The following DOCK2 variants were observed in gnomAD, a reference collection of about 807,000 sequenced individuals.
DOCK2 encodes the protein dedicator of cytokinesis 2, also known as dedicator of cytokinesis protein 2.
In DOCK2, 87 loss-of-function variants were observed where a neutral mutation model predicts 248.9. The ratio of observed to expected loss-of-function variants is 0.35; its 90% confidence interval spans 0.29 to 0.42. DOCK2 has a LOEUF of 0.42. DOCK2 is among the 10% of genes least tolerant of loss of function. The pLI, the probability that DOCK2 is intolerant of heterozygous loss-of-function variation, is 1.00. For synonymous variants in DOCK2, 805 were observed against 821.6 expected (o/e 0.98, Z 0.35); for missense variants, 1,747 against 2,300.2 (o/e 0.76, Z 4.92).
chr5:169,822,786 G>A (rs953808957), intron 26 of DOCK2, among the ~76,000 whole-genome samples: 2 of 152,126 alleles, frequency 1.3e-5, no homozygotes, highest in Admixed American at 6.6e-5. Context: ...AACTGAAGGA[G>A]ATAGAGACAC....
At chr5:169,690,626 T>C (rs549605568) in intron 9 of DOCK2, among the ~76,000 whole-genome samples, 3 of 152,232 alleles carry the variant, frequency 2.0e-5, no homozygotes, top group Non-Finnish European at 4.4e-5. Flanking sequence ...AGGAGGAGCC[T>C]ATTTATTTTC....
intron 41 of DOCK2, among the ~76,000 whole-genome samples, chr5:170,054,732 C>T (rs946505606): frequency 1.3e-5 from 2 of 152,200 alleles, no homozygotes; most frequent in Non-Finnish European, 1.5e-5. Context: ...CCAGAGTCTC[C>T]ACTTCTAACA....
intron 26 of DOCK2, among the ~76,000 whole-genome samples, chr5:169,804,303 G>T (rs1767174846): frequency 6.6e-6 from 1 of 152,138 alleles, no homozygotes; most frequent in South Asian, 2.1e-4. Flanking sequence ...TGCATAGCTT[G>T]CTTCATTCAT....
chr5:170,018,590 A>C (rs1160178645), intron 32 of DOCK2, among the ~76,000 whole-genome samples: 2 of 152,240 alleles, frequency 1.3e-5, no homozygotes, highest in African/African-American at 4.8e-5. Context: ...GCAACACGGC[A>C]TGTATTTCAG....
At chr5:169,986,455 G>T (rs574801457) in intron 29 of DOCK2, among the ~76,000 whole-genome samples, 83 of 152,194 alleles carry the variant, frequency 5.5e-4, no homozygotes, top group South Asian at 1.2e-3. Context: ...TATAATACCC[G>T]TTAACATCTC....
intron 5 of DOCK2, among the ~76,000 whole-genome samples, chr5:169,673,183 G>T (rs1759132759): frequency 6.6e-6 from 1 of 152,040 alleles, no homozygotes; most frequent in African/African-American, 2.4e-5. Context: ...GTGATTGGGG[G>T]TTTGGTTCCT....
chr5:169,921,886 A>G (rs189783039), intron 27 of DOCK2, among the ~76,000 whole-genome samples: 10 of 152,276 alleles, frequency 6.6e-5, no homozygotes, highest in Non-Finnish European at 1.2e-4. Flanking sequence ...GGAACATAGT[A>G]AATAATACTG....
chr5:169,946,772 C>A (rs1776467523), intron 27 of DOCK2, among the ~76,000 whole-genome samples: 1 of 152,194 alleles, frequency 6.6e-6, no homozygotes, highest in Admixed American at 6.5e-5. Context: ...ACAGTAGGAT[C>A]CTGTCATTGA....
intron 26 of DOCK2, among the ~76,000 whole-genome samples, chr5:169,838,873 C>T (rs1472678426): frequency 6.6e-6 from 1 of 152,162 alleles, no homozygotes; most frequent in Non-Finnish European, 1.5e-5. Context: ...TCTCCGGATG[C>T]CAAAAGCCAC....
intron 46 of DOCK2, among the ~76,000 whole-genome samples, chr5:170,073,451 T>C (rs765136635): frequency 7.2e-5 from 11 of 152,204 alleles, no homozygotes; most frequent in African/African-American, 1.4e-4. Flanking sequence ...TCTATAAATT[T>C]TAAAATAACC....
At chr5:169,974,222 A>C (rs1034344727) in intron 27 of DOCK2, among the ~76,000 whole-genome samples, 2 of 152,208 alleles carry the variant, frequency 1.3e-5, no homozygotes, top group African/African-American at 4.8e-5. Context: ...ACCAACATCT[A>C]CTGAAAGTTT....
chr5:170,001,155 C>A (rs566483689), intron 30 of DOCK2, among the ~76,000 whole-genome samples: 2 of 152,182 alleles, frequency 1.3e-5, no homozygotes, highest in Non-Finnish European at 2.9e-5. Context: ...TTCCACTCCC[C>A]AAATCAGAAG....
At position 169,773,792 on chromosome 5, in the gene DOCK2, G is replaced by C. The variant is rs553184276; in HGVS notation, c.2554+12167G>C. On this transcript the variant is annotated intron_variant, in intron 25 of 51. Coordinates refer to ENST00000520908, the MANE Select transcript of DOCK2 (RefSeq NM_004946.3). The stretch of plus-strand genomic sequence containing the variant: ...TCCCACGTGTTGTGGGTGTGACCTG[G>C]TGGGAGATAATTGAATCATGGGGGC... 2.6e-5 allele frequency among the ~76,000 whole-genome samples: 4 copies of C among 152,236 alleles called. No homozygotes were observed. The East Asian group carries it at 7.7e-4, about 29-fold the overall frequency.
intron 33 of DOCK2, among the ~76,000 whole-genome samples, chr5:170,026,249 C>T (rs959218279): frequency 3.3e-5 from 5 of 152,142 alleles, no homozygotes; most frequent in African/African-American, 1.2e-4. Flanking sequence ...ATCCTTTATG[C>T]CCAGGAAAGA....
intron 26 of DOCK2, among the ~76,000 whole-genome samples, chr5:169,824,172 A>G (rs1260547209): frequency 1.3e-5 from 2 of 152,188 alleles, no homozygotes; most frequent in Admixed American, 1.3e-4. Flanking sequence ...GGAAGAATCA[A>G]TATCGTGAAA....
At chr5:169,885,265 G>A (rs763389606) in intron 27 of DOCK2, among the ~76,000 whole-genome samples, 60 of 152,288 alleles carry the variant, frequency 3.9e-4, no homozygotes, top group Non-Finnish European at 4.4e-4. Flanking sequence ...TGTAGACTCC[G>A]GAGGGCAGAG....
chr5:169,977,208 A>G (rs1777746880), intron 27 of DOCK2, among the ~76,000 whole-genome samples: 1 of 152,214 alleles, frequency 6.6e-6, no homozygotes, highest in Non-Finnish European at 1.5e-5. Flanking sequence ...AGAGGCACAC[A>G]CTGGACTTAC....
chr5:169,857,501 T>A (rs1770958043), intron 27 of DOCK2, among the ~76,000 whole-genome samples: 1 of 152,154 alleles, frequency 6.6e-6, no homozygotes, highest in Non-Finnish European at 1.5e-5. Context: ...CTCAAATATC[T>A]TCTCCACATA....
In DOCK2 at chr5:169,965,655, G is replaced by A. The variant is rs1362732335; in HGVS notation, c.2800-17413G>A. ...TGTGCAGCAGAGTTTAGGAACCATG[G>A]CCTCAGAGTCCAACCTCATCCAAGG... On this transcript the variant is annotated intron_variant, in intron 27 of 51. Coordinates refer to ENST00000520908, the MANE Select transcript of DOCK2 (RefSeq NM_004946.3). 3.9e-5 allele frequency among the ~76,000 whole-genome samples: 6 copies of A among 152,160 alleles called. No individual in the cohort carries two copies. In the East Asian group the frequency reaches 5.8e-4, roughly 15 times the overall value.
Sources: allele counts gnomAD v4.1 joint callset (sites outside exome capture counted in the v4.1 genomes callset), GRCh38; gene constraint gnomAD v4.1.1; transcripts MANE v1.5; gene names NCBI Gene and HGNC (gene_info 2026-07-23, HGNC 2026-07-21).